Variants in MDN1 observed in about 807,000 individuals in gnomAD.
The protein encoded by MDN1 is midasin AAA ATPase 1, also known as midasin.
Under a neutral mutation model 669.2 loss-of-function variants are expected in MDN1, and 266 were observed. The ratio of observed to expected loss-of-function variants is 0.40; its 90% CI spans 0.36 to 0.44. MDN1 has a LOEUF of 0.44. Among genes scored for constraint, MDN1 ranks in the 20% least tolerant of loss-of-function variants. The probability of loss-of-function intolerance (pLI) is 1.00; values close to 1 mark genes in which losing one functional copy is unlikely to be tolerated. For missense variants in MDN1, 5,940 were observed against 6,754.0 expected (o/e 0.88, Z 4.22); for synonymous variants, 2,385 against 2,457.1 (o/e 0.97, Z 0.87).
intron 69 of MDN1, among the ~76,000 whole-genome samples, chr6:89,686,618 T>C (rs1027337290): frequency 6.6e-6 from 1 of 152,218 alleles, no homozygotes; most frequent in Non-Finnish European, 1.5e-5. Flanking sequence ...TTGACTTCTA[T>C]CATGGACATA....
At chr6:89,723,287 C>A in intron 39 of MDN1, 144 bp from the exon 40 acceptor site, 2 of 862,772 alleles carry the variant, frequency 2.3e-6, no homozygotes, top group South Asian at 1.7e-5. Flanking sequence ...TCAAGACTTC[C>A]AAATGCCTGG....
At chr6:89,647,928 G>C in intron 99 of MDN1, 104 bp downstream of exon 99, 1 of 856,262 alleles carries the variant, frequency 1.2e-6, no homozygotes, top group African/African-American at 1.7e-5. Context: ...ACTCTAGCCT[G>C]GGTGACAGAA....
chr6:89,815,462 G>T, intron 1 of MDN1: 1 of 324,088 alleles, frequency 3.1e-6, no homozygotes, highest in South Asian at 2.4e-5. Context: ...GCTTCCCCAT[G>T]AGCTTCCTGG....
rs558208698 is a variant in MDN1 at position 89,680,625 on chromosome 6, G to C, written c.12229C>G (p.Leu4077Val). 1.2e-6 allele frequency: 2 copies of C among 1,614,040 alleles called. No individual in the cohort carries two copies. The highest frequency in any genetic ancestry group is 1.7e-6 in the Non-Finnish European group (2 of 1,180,032). ...MCLTFMKESPLPRLVEGLDQF... is the reference protein window; with the variant it reads ...MCLTFMKESPVPRLVEGLDQF... ...TCAAGGCCCTCCACAAGGCGAGGCA[G>C]GGGGCTCTCCTTCATGAACGTCAGG... The change falls in exon 74 of 102, where the codon CTG becomes GTG. Residue 4077 changes from leucine (L) to valine (V), a missense_variant. Leu to Val is a conservative substitution (Grantham distance 32). Coordinates refer to ENST00000369393, the MANE Select transcript of MDN1 (RefSeq NM_014611.3).
At chr6:89,786,599 C>T (rs1818971713) in intron 8 of MDN1, among the ~76,000 whole-genome samples, 1 of 151,660 alleles carries the variant, frequency 6.6e-6, no homozygotes, top group South Asian at 2.1e-4. Flanking sequence ...AAGCAAAACA[C>T]TGTCTCTAAA....
rs150102696 is a variant in MDN1, at chr6:89,755,804, A to G, written c.2816+473T>C. On this transcript the variant is annotated intron_variant, in intron 20 of 101. Coordinates refer to ENST00000369393, the MANE Select transcript of MDN1 (RefSeq NM_014611.3). ...ACAAAAAACAGGAATAACAGTCTCA[A>G]ATTAAAGCACAAGCCACGTAACTAC... is the stretch of plus-strand genomic sequence containing the variant. Among the ~76,000 whole-genome samples, 368 of 152,364 alleles carry G rather than the reference A, an allele frequency of 2.4e-3. 4 individuals are homozygous for G. Among genetic ancestry groups the G allele is most frequent in the Non-Finnish European group, 9.6e-4 (65 of 68,036 alleles).
In MDN1 at chr6:89,675,593, G is replaced by C. The variant is rs781304956; in HGVS notation, c.12646-14C>G. ...CATGCCCATTTCCTGGCAGAAGAAG[G>C]AAAAACATGCTGAAGGGGCTGCTGA... On this transcript the variant is annotated splice_polypyrimidine_tract_variant and intron_variant, in intron 77 of 101. Transcript: ENST00000369393. 1.2e-6 allele frequency: 2 copies of C among 1,608,620 alleles called. No homozygotes were observed. Among genetic ancestry groups the C allele is most frequent in the Admixed American group, 3.3e-5 (2 of 59,792 alleles).
chr6:89,657,891 T>C (rs1809435867), intron 90 of MDN1, among the ~76,000 whole-genome samples: 1 of 152,256 alleles, frequency 6.6e-6, no homozygotes, highest in South Asian at 2.1e-4. Flanking sequence ...TTCAGTACAG[T>C]AACATACTGT....
intron 51 of MDN1, 133 bp from the exon 52 acceptor site, chr6:89,707,609 T>C (rs1813601556): frequency 1.5e-6 from 1 of 657,998 alleles, no homozygotes; most frequent in Non-Finnish European, 2.7e-6. Flanking sequence ...TCTGCAAATC[T>C]TGGACTAAAG....
Position 89,713,153 on chromosome 6 carries a change from G to A in MDN1, c.7213C>T (p.Arg2405Trp), listed in dbSNP as rs901743540. 4 of 1,612,058 alleles carry A rather than the reference G, an allele frequency of 2.5e-6. No homozygotes were observed. Among genetic ancestry groups the A allele is most frequent in the Non-Finnish European group, 3.4e-6 (4 of 1,179,470 alleles). ...TCTGCAATACTTCATAGTACCTTCC[G>A]GTTTGCTGGTGAATGCTGGGAACAG... ...YVCSQHSPAN[R>W]KLVQALLEKH... is the part of the protein sequence containing the mutation. Residue 2405 changes from arginine (R) to tryptophan (W), a missense_variant, in exon 47 of 102, where the codon CGG becomes TGG. By Grantham distance (101) the Arg-to-Trp change is moderately radical. Around this residue, in one of 5 missense-constraint regions of MDN1, gnomAD observed 2,292 missense variants for 2,638.3 expected, o/e 0.87. Transcript: ENST00000369393.
intron 73 of MDN1, among the ~76,000 whole-genome samples, chr6:89,682,293 CA>C (rs1267659266): frequency 1.3e-5 from 2 of 152,190 alleles, no homozygotes. Context: ...GAAATGTTCA[CA>C]GGTAAAAGCA....
intron 40 of MDN1, among the ~76,000 whole-genome samples, chr6:89,721,774 T>C (rs1814837607): frequency 6.6e-6 from 1 of 151,624 alleles, no homozygotes; most frequent in Non-Finnish European, 1.5e-5. Flanking sequence ...AAACAATGTC[T>C]CCAATTTTAA....
chr6:89,659,728 G>A (rs1462984661), intron 88 of MDN1, among the ~76,000 whole-genome samples: 1 of 152,138 alleles, frequency 6.6e-6, no homozygotes, highest in Non-Finnish European at 1.5e-5. Context: ...AATTATCATT[G>A]TGAATAACTG....
At chr6:89,787,448 C>T (rs1260489824) in intron 8 of MDN1, among the ~76,000 whole-genome samples, 2 of 152,128 alleles carry the variant, frequency 1.3e-5, no homozygotes, top group African/African-American at 4.8e-5. Flanking sequence ...TGTGACAGGT[C>T]TTTAGTACAA....
intron 94 of MDN1, 152 bp downstream of exon 94, chr6:89,652,840 G>T: frequency 2.7e-6 from 2 of 735,526 alleles, no homozygotes; most frequent in Non-Finnish European, 2.2e-6. Flanking sequence ...CATACCAATA[G>T]TATTCCTAAA....
chr6:89,712,931 T>A, intron 47 of MDN1, 145 bp from the exon 48 acceptor site: 1 of 842,056 alleles, frequency 1.2e-6, no homozygotes, highest in Non-Finnish European at 1.8e-6. Flanking sequence ...CAAATTCTAC[T>A]TTTCCTGATG....
intron 13 of MDN1, among the ~76,000 whole-genome samples, chr6:89,773,833 C>T (rs915816184): frequency 1.3e-5 from 2 of 150,056 alleles, no homozygotes; most frequent in Admixed American, 6.6e-5. Flanking sequence ...GGCGTGGTGG[C>T]GCATGCCTGT....
At position 89,685,881 on chromosome 6, in the gene MDN1, T is replaced by C. The variant is rs1427035810; in HGVS notation, c.11665A>G (p.Met3889Val). The change falls in exon 70 of 102, where the codon ATG becomes GTG. Residue 3889 changes from methionine (M) to valine (V), a missense_variant. By Grantham distance (21) the Met-to-Val change is conservative. Around this residue, in one of 5 missense-constraint regions of MDN1, gnomAD observed 2,280 missense variants for 2,576.3 expected, o/e 0.88. Coordinates refer to ENST00000369393, the MANE Select transcript of MDN1 (RefSeq NM_014611.3). ...SLGEFHVRLQ[M>V]LLVFHCHVLL... ...ACATGACAATGGAAAACCAGTAACATCTGAAGTCGCACATGGAACTCTCCC... is the reference window on the plus strand; with the variant it reads ...ACATGACAATGGAAAACCAGTAACACCTGAAGTCGCACATGGAACTCTCCC... The C allele has an allele frequency of 8.7e-6, 14 of 1,613,932 alleles. No homozygotes were observed. The highest frequency in any genetic ancestry group is 1.2e-5 in the Non-Finnish European group (14 of 1,180,024).
intron 19 of MDN1, among the ~76,000 whole-genome samples, chr6:89,757,570 G>A (rs190751293): frequency 9.2e-5 from 14 of 152,176 alleles, no homozygotes; most frequent in Non-Finnish European, 1.3e-4. Context: ...CTCTATCAGC[G>A]GCAATTTCAA....
Sources: allele counts gnomAD v4.1 joint callset (sites outside exome capture counted in the v4.1 genomes callset), GRCh38; gene constraint gnomAD v4.1.1; regional missense constraint gnomAD v4.1.1; transcripts MANE v1.5; gene names NCBI Gene and HGNC (gene_info 2026-07-23, HGNC 2026-07-21).